Variants in NHSL2 observed in about 807,000 individuals in gnomAD.
The protein encoded by NHSL2 is NHS-like protein 2.
NHSL2 carries 27 observed loss-of-function variants against 53.4 expected under a neutral mutation model. That is an observed-to-expected ratio of 0.51 (90% CI 0.37 to 0.70). The LOEUF (loss-of-function observed/expected upper bound fraction) is 0.70. NHSL2 is among the 30% of genes least tolerant of loss of function. The pLI is 0.00. For synonymous variants in NHSL2, 408 were observed against 404.1 expected (o/e 1.01, Z -0.12); for missense variants, 892 against 980.1 (o/e 0.91, Z 1.20).
At chrX:72,080,422 A>G (rs1018270826) in intron 1 of NHSL2, among the ~76,000 whole-genome samples, 1 of 111,376 alleles carries the variant, frequency 9.0e-6, no homozygotes, top group African/African-American at 3.3e-5. Flanking sequence ...AGAGGTGTGC[A>G]CAGAGGGGCA....
intron 1 of NHSL2, among the ~76,000 whole-genome samples, chrX:72,092,993 G>C (rs528687669): frequency 8.9e-6 from 1 of 112,717 alleles, no homozygotes; most frequent in South Asian, 3.6e-4. Flanking sequence ...AATGCATAAA[G>C]ACATTCAAGA....
intron 1 of NHSL2, among the ~76,000 whole-genome samples, chrX:71,951,675 G>A (rs937258349): frequency 5.3e-5 from 6 of 112,211 alleles, no homozygotes; most frequent in African/African-American, 9.7e-5. Context: ...ATGAAACTGC[G>A]CATTTAGTCT....
intron 5 of NHSL2, among the ~76,000 whole-genome samples, chrX:72,137,861 CA>C (rs2042371992): frequency 8.9e-6 from 1 of 111,898 alleles, no homozygotes; most frequent in African/African-American, 3.3e-5. Flanking sequence ...AATGACATGA[CA>C]GTATTAATTG....
chrX:72,139,403 G>A lies in NHSL2; in HGVS notation c.1855G>A (p.Gly619Ser). ...TCACTCGTCCCACCCAGATGCTCAG[G>A]GTCACCCAGCTATTCCAAACCACAA... ...GHHSSHPDAQ[G>S]HPAIPNHKDP... The change falls in exon 6 of 8, where the codon GGT (glycine) becomes AGT (serine). Residue 619 changes from glycine to serine, a missense_variant. Gly to Ser is a moderately conservative substitution (Grantham distance 56). Coordinates refer to ENST00000633930, the MANE Select transcript of NHSL2 (RefSeq NM_001013627.3). The A allele has an allele frequency of 8.3e-7, 1 of 1,210,403 alleles. No homozygotes were observed. Among genetic ancestry groups the A allele is most frequent in the Non-Finnish European group, 1.1e-6 (1 of 894,863 alleles).
rs1446163338 is a variant in NHSL2, at chrX:72,150,527, T to G, written c.*6953T>G. Reference sequence around the variant, plus strand: ...TCTAGAAATTTCACCTGGCTTGATATTCTGTCAATCCCTGGGCTCAAATTC... The same window carrying G: ...TCTAGAAATTTCACCTGGCTTGATAGTCTGTCAATCCCTGGGCTCAAATTC... On this transcript the variant is annotated 3_prime_UTR_variant, in exon 8 of 8. Transcript: ENST00000633930. 3 of 112,398 alleles carry G rather than the reference T, an allele frequency of 2.7e-5. No homozygotes were observed. The highest frequency in any genetic ancestry group is 9.7e-5 in the African/African-American group (3 of 30,935). The allele number at this position is 112,398 out of a possible 1,213,427, so 9.3% of individuals were successfully genotyped here. A position where few individuals can be genotyped will look rare whatever the true frequency, so the allele number is the denominator to read the frequency against.
At chrX:71,958,132 C>T (rs770491469) in intron 1 of NHSL2, among the ~76,000 whole-genome samples, 1 of 110,873 alleles carries the variant, frequency 9.0e-6, no homozygotes, top group East Asian at 2.8e-4. Flanking sequence ...CAGGCCCCAG[C>T]AGCAGACTTA....
chrX:71,942,986 G>C lies in NHSL2; in HGVS notation c.280+31619G>C, dbSNP rs866176592. ...TCTCTCTCTCTCTGTGTGTGTGTGTGTGTGTGTGTGTGTGTGTGTGTCTTT... is the reference window on the plus strand; with the variant it reads ...TCTCTCTCTCTCTGTGTGTGTGTGTCTGTGTGTGTGTGTGTGTGTGTCTTT... On this transcript the variant is annotated intron_variant, in intron 1 of 7. Transcript: ENST00000633930. Among the ~76,000 whole-genome samples the C allele has an allele frequency of 4.6e-3, 476 of 102,451 alleles. 3 individuals carry two copies. The highest frequency in any genetic ancestry group is 7.7e-3 in the Non-Finnish European group (373 of 48,710). The allele number at this position is 102,451 out of a possible 115,157, so 89.0% of individuals were successfully genotyped here.
At chrX:72,051,931 A>G (rs750932554) in intron 1 of NHSL2, among the ~76,000 whole-genome samples, 3 of 112,181 alleles carry the variant, frequency 2.7e-5, no homozygotes, top group African/African-American at 9.7e-5. Flanking sequence ...AAGCCTCTCC[A>G]GATAACTCCA....
intron 1 of NHSL2, among the ~76,000 whole-genome samples, chrX:71,942,173 T>G (rs1220586471): frequency 8.9e-6 from 1 of 112,172 alleles, no homozygotes; most frequent in East Asian, 2.8e-4. Context: ...TGAGAGGATT[T>G]GAGGCCCCAC....
At chrX:72,021,002 A>C (rs1464125465) in intron 1 of NHSL2, among the ~76,000 whole-genome samples, 1 of 112,145 alleles carries the variant, frequency 8.9e-6, no homozygotes, top group Non-Finnish European at 1.9e-5. Context: ...TCTGAAAGTG[A>C]AAGGGCAGGG....
At chrX:71,930,155 G>A (rs2041705707) in intron 1 of NHSL2, among the ~76,000 whole-genome samples, 2 of 111,660 alleles carry the variant, frequency 1.8e-5, no homozygotes, top group South Asian at 7.6e-4. Context: ...ATTCAGAATT[G>A]ATTCCACATT....
chrX:72,069,860 G>A (rs956670545), intron 1 of NHSL2: 1 of 343,377 alleles, frequency 2.9e-6, no homozygotes, highest in Non-Finnish European at 4.7e-6. Flanking sequence ...GGGCTGGCAG[G>A]GGGCAGGGAG....
chrX:72,037,387 C>A (rs1264273900), intron 1 of NHSL2, among the ~76,000 whole-genome samples: 2 of 109,619 alleles, frequency 1.8e-5, no homozygotes, highest in African/African-American at 6.7e-5. Flanking sequence ...GGCGCCACTG[C>A]ACTCCAGCCT....
chrX:71,978,143 A>G (rs1436275921), intron 1 of NHSL2, among the ~76,000 whole-genome samples: 2 of 112,936 alleles, frequency 1.8e-5, no homozygotes, highest in Non-Finnish European at 3.7e-5. Flanking sequence ...TACCTACCAC[A>G]TAAGAAGCCT....
chrX:72,017,465 C>A (rs191505562), intron 1 of NHSL2, among the ~76,000 whole-genome samples: 2,788 of 112,936 alleles, frequency 0.025, 44 homozygotes, highest in Non-Finnish European at 0.039. Flanking sequence ...GGTGCTCCAG[C>A]AAATTGTAGG....
At chrX:72,130,281 A>T (rs1801323092) in intron 1 of NHSL2, 1 of 1,178,275 alleles carries the variant, frequency 8.5e-7, no homozygotes. Context: ...CTTCATCCTT[A>T]CTCTCTCCTT....
chrX:72,028,471 A>G (rs140791486), intron 1 of NHSL2, among the ~76,000 whole-genome samples: 304 of 112,036 alleles, frequency 2.7e-3, no homozygotes, highest in African/African-American at 9.3e-3. Flanking sequence ...TTAAATGCCT[A>G]TTGGTGCCCG....
intron 1 of NHSL2, among the ~76,000 whole-genome samples, chrX:71,967,888 T>C (rs4986615): frequency 0.16 from 17,595 of 110,793 alleles, 2,045 homozygotes; most frequent in African/African-American, 0.39. Context: ...TGACCTCATT[T>C]CTCTGATTAA....
intron 1 of NHSL2, among the ~76,000 whole-genome samples, chrX:71,998,878 A>T (rs1289638416): frequency 1.8e-5 from 2 of 111,973 alleles, no homozygotes; most frequent in Non-Finnish European, 3.8e-5. Context: ...ATCACCAGTC[A>T]CACTGGAGGG....
Sources: gnomAD v4.1 joint callset for allele counts (sites outside exome capture counted in the v4.1 genomes callset) on GRCh38, gnomAD v4.1.1 for gene constraint, MANE v1.5 for transcripts, NCBI Gene and HGNC (gene_info 2026-07-23, HGNC 2026-07-21) for gene names.